LOC400499: variants seen among roughly 807,000 people sequenced by gnomAD.
chr16:11,497,671 G>C, the LOC400499 span, among the ~76,000 whole-genome samples: 4 of 152,360 alleles, frequency 2.6e-5, no homozygotes, highest in East Asian at 7.7e-4. Context: ...AACTGGGCCA[G>C]CATGAGGCCT....
chr16:11,399,227 A>C, the LOC400499 span: 3 of 982,524 alleles, frequency 3.1e-6, no homozygotes, highest in Admixed American at 1.3e-4. Flanking sequence ...CTTCTTCCCC[A>C]TCTGTTCCCA....
At chr16:11,503,381 C>T in the LOC400499 span, among the ~76,000 whole-genome samples, 1 of 152,122 alleles carries the variant, frequency 6.6e-6, no homozygotes. Context: ...GAAAACCTTC[C>T]CTCCTGGTAC....
the LOC400499 span, among the ~76,000 whole-genome samples, chr16:11,397,793 G>C: frequency 7.1e-6 from 1 of 139,930 alleles, no homozygotes; most frequent in Non-Finnish European, 1.5e-5. Flanking sequence ...GAGGGAGGGA[G>C]GGAGGGATGG....
chr16:11,496,071 T>A, the LOC400499 span, among the ~76,000 whole-genome samples: 1 of 151,142 alleles, frequency 6.6e-6, no homozygotes, highest in African/African-American at 2.4e-5. Flanking sequence ...TCTGTCCTTT[T>A]TTTTTTTTTC....
chr16:11,388,041 A>G, the LOC400499 span, among the ~76,000 whole-genome samples: 104,959 of 152,038 alleles, frequency 0.69, 39,178 homozygotes, highest in Non-Finnish European at 0.83. Flanking sequence ...ACATGGGGGT[A>G]TAGTGGGAAG....
the LOC400499 span, among the ~76,000 whole-genome samples, chr16:11,503,557 C>A: frequency 6.6e-6 from 1 of 152,226 alleles, no homozygotes; most frequent in Non-Finnish European, 1.5e-5. Flanking sequence ...CCCAGAGGTC[C>A]TCCGAGGCTG....
the LOC400499 span, among the ~76,000 whole-genome samples, chr16:11,454,160 T>G: frequency 6.6e-6 from 1 of 152,324 alleles, no homozygotes. Flanking sequence ...ATCTCCCAAT[T>G]AATTCAAAAC....
the LOC400499 span, chr16:11,413,093 T>C: frequency 2.5e-6 from 1 of 395,740 alleles, no homozygotes. Context: ...CATCCAACAC[T>C]CTCACAGGTG....
the LOC400499 span, among the ~76,000 whole-genome samples, chr16:11,465,941 T>A: frequency 9.2e-5 from 14 of 152,180 alleles, no homozygotes; most frequent in East Asian, 2.7e-3. Context: ...AAAAAACATA[T>A]AAACCTTGTG....
chr16:11,439,491 G>A, the LOC400499 span: 2 of 398,918 alleles, frequency 5.0e-6, no homozygotes, highest in African/African-American at 4.1e-5. Flanking sequence ...GTCCACACCT[G>A]GAAGTTTGGA....
chr16:11,465,110 G>A, the LOC400499 span: 4 of 152,344 alleles, frequency 2.6e-5, no homozygotes, highest in African/African-American at 7.2e-5. Context: ...GAGATCCACT[G>A]CCGAAGGTGC....
chr16:11,481,284 G>A, the LOC400499 span, among the ~76,000 whole-genome samples: 69 of 152,282 alleles, frequency 4.5e-4, no homozygotes, highest in African/African-American at 1.6e-3. Flanking sequence ...CAGAAGTGGT[G>A]GTGGCACAAC....
the LOC400499 span, chr16:11,450,743 G>A: frequency 6.5e-7 from 1 of 1,536,158 alleles, no homozygotes; most frequent in African/African-American, 1.4e-5. Flanking sequence ...AGGACAGCCT[G>A]GAACACAGCT....
the LOC400499 span, among the ~76,000 whole-genome samples, chr16:11,428,058 G>A: frequency 6.6e-6 from 1 of 152,164 alleles, no homozygotes; most frequent in Non-Finnish European, 1.5e-5. Flanking sequence ...GAAAGGAAAG[G>A]AATAAAGAAT....
the LOC400499 span, chr16:11,493,717 G>T: frequency 2.5e-6 from 1 of 396,876 alleles, no homozygotes. Context: ...GCTTCTCAGA[G>T]ATGCACAGGC....
chr16:11,503,193 G>A, the LOC400499 span, among the ~76,000 whole-genome samples: 1 of 152,218 alleles, frequency 6.6e-6, no homozygotes, highest in South Asian at 2.1e-4. Context: ...GGGATGACAG[G>A]TGTGAGCCAT....
the LOC400499 span, among the ~76,000 whole-genome samples, chr16:11,454,065 C>G: frequency 6.6e-5 from 10 of 152,290 alleles, no homozygotes; most frequent in Middle Eastern, 3.4e-3. Context: ...TTACCACCAA[C>G]AGGACTAAGA....
chr16:11,456,813 A>C, the LOC400499 span: 1 of 1,533,562 alleles, frequency 6.5e-7, no homozygotes, highest in Non-Finnish European at 8.7e-7. Context: ...CCTGGAGATC[A>C]GAAACCTGAG....
chr16:11,415,062 G>T, the LOC400499 span, among the ~76,000 whole-genome samples: 1 of 152,142 alleles, frequency 6.6e-6, no homozygotes, highest in South Asian at 2.1e-4. Flanking sequence ...TGAGGATTAT[G>T]GGAGGGGTAG....
Sources: gnomAD v4.1 joint callset for allele counts (sites outside exome capture counted in the v4.1 genomes callset) on GRCh38, gnomAD v4.1.1 for gene constraint, MANE v1.5 for transcripts.